Variants in TMTC1 observed in about 807,000 individuals in gnomAD.
The protein encoded by TMTC1 is transmembrane O-mannosyltransferase targeting cadherins 1.
Under a neutral mutation model 104.8 loss-of-function variants are expected in TMTC1, and 73 were observed. The observed-to-expected ratio is 0.70, with a 90% confidence interval of 0.58 to 0.85. TMTC1 has a LOEUF of 0.85. TMTC1 is among the 40% of genes least tolerant of loss of function. TMTC1 has a pLI of 0.00. For synonymous variants in TMTC1, 434 were observed against 428.7 expected, an observed-to-expected ratio of 1.01 and a Z score of -0.15; for missense variants, 1,035 against 1,096.1, an observed-to-expected ratio of 0.94 and a Z score of 0.79.
At chr12:29,590,585 G>A (rs995969926) in intron 7 of TMTC1, among the ~76,000 whole-genome samples, 1 of 152,190 alleles carries the variant, frequency 6.6e-6, no homozygotes, top group Non-Finnish European at 1.5e-5. Flanking sequence ...GGGAGTTTGA[G>A]ACCAGCCTGA....
chr12:29,528,109 G>A (rs573962681), intron 11 of TMTC1, among the ~76,000 whole-genome samples: 5 of 152,192 alleles, frequency 3.3e-5, no homozygotes, highest in Admixed American at 6.5e-5. Flanking sequence ...AGTAAATTCC[G>A]CCTTCTCTGG....
In TMTC1 at chr12:29,591,908, GAAAAC is replaced by G. The variant is rs61162219; in HGVS notation, c.1251-8339_1251-8335del. Reference sequence around the variant, plus strand: ...GAAACTCACCAAGAAGCTTTTAAGTGAAAACAAAACAAAACAAAACAAAACACTTC... The same window carrying G: ...GAAACTCACCAAGAAGCTTTTAAGTGAAAACAAAACAAAACAAAACACTTC... On this transcript the variant is annotated intron_variant, in intron 7 of 17. Transcript: ENST00000539277. 1.1e-3 allele frequency among the ~76,000 whole-genome samples: 166 copies of G among 150,436 alleles called. 2 individuals carry two copies. Among genetic ancestry groups the G allele is most frequent in the Non-Finnish European group, 2.1e-3 (143 of 67,780 alleles).
chr12:29,517,945 C>T (rs1944038222), intron 13 of TMTC1, among the ~76,000 whole-genome samples: 1 of 152,136 alleles, frequency 6.6e-6, no homozygotes, highest in African/African-American at 2.4e-5. Flanking sequence ...GAACATCTGA[C>T]CTCAGGTGAT....
At chr12:29,763,225 C>T (rs540018594) in intron 2 of TMTC1, among the ~76,000 whole-genome samples, 1 of 152,314 alleles carries the variant, frequency 6.6e-6, no homozygotes, top group Admixed American at 6.5e-5. Context: ...TGTAGTGTCC[C>T]TTGCAGGAGA....
chr12:29,540,779 G>A (rs778674146), intron 10 of TMTC1, among the ~76,000 whole-genome samples: 5 of 152,196 alleles, frequency 3.3e-5, no homozygotes, highest in African/African-American at 9.6e-5. Flanking sequence ...TGGATCATGA[G>A]GTCAGAGGAG....
intron 5 of TMTC1, among the ~76,000 whole-genome samples, chr12:29,651,714 A>G (rs929314116): frequency 2.6e-5 from 4 of 152,236 alleles, no homozygotes; most frequent in Admixed American, 2.0e-4. Flanking sequence ...TTACCTTAGC[A>G]TACCCTCATC....
chr12:29,744,598 T>C (rs1942904772), intron 5 of TMTC1, among the ~76,000 whole-genome samples: 1 of 152,230 alleles, frequency 6.6e-6, no homozygotes, highest in African/African-American at 2.4e-5. Flanking sequence ...GATGAACTCA[T>C]AAAGGTACTT....
At chr12:29,605,790 C>T (rs1039017002) in intron 6 of TMTC1, among the ~76,000 whole-genome samples, 7 of 152,094 alleles carry the variant, frequency 4.6e-5, no homozygotes, top group African/African-American at 1.7e-4. Context: ...GAGGCTTGGG[C>T]TTCTATTGTT....
chr12:29,680,996 G>C (rs1222094314), intron 5 of TMTC1, among the ~76,000 whole-genome samples: 2 of 151,902 alleles, frequency 1.3e-5, no homozygotes, highest in South Asian at 4.2e-4. Context: ...CTACTTGGGA[G>C]GCTGAGGCAG....
intron 6 of TMTC1, among the ~76,000 whole-genome samples, chr12:29,617,552 G>C (rs11050318): frequency 0.11 from 17,116 of 151,664 alleles, 1,682 homozygotes; most frequent in East Asian, 0.4. Flanking sequence ...GAGAGAGAGA[G>C]AGAGAGAGAG....
chr12:29,715,030 G>A (rs1426842630), intron 5 of TMTC1, among the ~76,000 whole-genome samples: 1 of 152,112 alleles, frequency 6.6e-6, no homozygotes, highest in Non-Finnish European at 1.5e-5. Context: ...ATAGTACACT[G>A]TCCTGAATGA....
chr12:29,594,112 T>G (rs970120871), intron 7 of TMTC1, among the ~76,000 whole-genome samples: 1 of 152,218 alleles, frequency 6.6e-6, no homozygotes, highest in Non-Finnish European at 1.5e-5. Flanking sequence ...CTGGTTCGCG[T>G]GGTCTCAATT....
At chr12:29,763,162 T>A (rs1943390593) in intron 2 of TMTC1, among the ~76,000 whole-genome samples, 1 of 152,176 alleles carries the variant, frequency 6.6e-6, no homozygotes, top group African/African-American at 2.4e-5. Flanking sequence ...TGCAGCCAGT[T>A]TGGAAGAGAC....
chr12:29,702,091 T>C (rs193225941), intron 5 of TMTC1, among the ~76,000 whole-genome samples: 4 of 152,336 alleles, frequency 2.6e-5, no homozygotes, highest in Admixed American at 2.0e-4. Flanking sequence ...TCAAAGGAGA[T>C]AGATGTGCCA....
chr12:29,580,998 T>C (rs1945964486), intron 8 of TMTC1, among the ~76,000 whole-genome samples: 1 of 152,184 alleles, frequency 6.6e-6, no homozygotes, highest in Non-Finnish European at 1.5e-5. Context: ...ATCTCTCACA[T>C]ACTATTTTAT....
At chr12:29,532,569 G>C (rs1437133223) in intron 11 of TMTC1, 3 of 151,906 alleles carry the variant, frequency 2.0e-5, no homozygotes. Flanking sequence ...AAACAAAATA[G>C]TATGTATAAT....
chr12:29,600,008 A>ATATATATATT (rs59108744), intron 7 of TMTC1, among the ~76,000 whole-genome samples: 1 of 118,678 alleles, frequency 8.4e-6, no homozygotes, highest in Non-Finnish European at 1.6e-5. Context: ...ATATATATAT[A>ATATATATATT]TTTTTTTTTT....
chr12:29,639,579 AAGC>A (rs1429735619), intron 5 of TMTC1, among the ~76,000 whole-genome samples: 17 of 152,218 alleles, frequency 1.1e-4, no homozygotes. Context: ...AGTTTCATGA[AAGC>A]AAAATAAATG....
At chr12:29,636,720 A>G (rs1246080428) in intron 5 of TMTC1, among the ~76,000 whole-genome samples, 1 of 151,828 alleles carries the variant, frequency 6.6e-6, no homozygotes, top group Non-Finnish European at 1.5e-5. Flanking sequence ...TGGGAGGCTG[A>G]GGCAGGGGAA....
Sources: gnomAD v4.1 joint callset for allele counts (sites outside exome capture counted in the v4.1 genomes callset) on GRCh38, gnomAD v4.1.1 for gene constraint, MANE v1.5 for transcripts, NCBI Gene and HGNC (gene_info 2026-07-23, HGNC 2026-07-21) for gene names.